Variants in CGAS observed in about 807,000 individuals in gnomAD.
CGAS encodes the protein 2'3'-cGAMP synthase.
Under a neutral mutation model 34.0 loss-of-function variants are expected in CGAS, and 31 were observed. The observed-to-expected ratio is 0.91, with a 90% confidence interval of 0.69 to 1.23. The LOEUF (loss-of-function observed/expected upper bound fraction) is 1.23, where lower values mean the gene tolerates loss of function less well. Among genes scored for constraint, CGAS ranks in the 50% most tolerant of loss-of-function variants. The probability of loss-of-function intolerance (pLI) is 0.00; values close to 1 mark genes in which losing one functional copy is unlikely to be tolerated. For synonymous variants in CGAS, 266 were observed against 260.0 expected, an observed-to-expected ratio of 1.02 and a Z score of -0.22; for missense variants, 597 against 657.6, an observed-to-expected ratio of 0.91 and a Z score of 1.01.
intron 3 of CGAS, among the ~76,000 whole-genome samples, chr6:73,433,350 C>T (rs1030367074): frequency 9.9e-5 from 15 of 151,732 alleles, no homozygotes; most frequent in African/African-American, 3.4e-4. Context: ...TAACCTCGAA[C>T]TCCTGAGCTT....
At position 73,451,830 on chromosome 6, in the gene CGAS, C is replaced by T. The variant is rs1265107098; in HGVS notation, c.352G>A (p.Ala118Thr). 6.4e-7 allele frequency: 1 copy of T among 1,553,758 alleles called. No individual in the cohort carries two copies. The highest frequency in any genetic ancestry group is 1.2e-5 in the South Asian group (1 of 84,786). The change falls in exon 1 of 5, where the codon GCT (alanine) becomes ACT (threonine). Residue 118 changes from alanine to threonine, a missense_variant. Physicochemically the swap from Ala to Thr is moderately conservative, Grantham distance 58 (BLOSUM62 0). This residue lies in a region of CGAS where 321 missense variants were observed against 314.3 expected (regional missense o/e 1.02). Coordinates refer to ENST00000370315, the MANE Select transcript of CGAS (RefSeq NM_138441.3). ...GCGCCCCTCTGGCGGCAAGAACCAG[C>T]CCTGGAAAGAGCCGGCTCCCGAGCC... ...PAAREPALSR[A>T]GSCRQRGARC...
rs1289211884 is a variant in CGAS, at chr6:73,428,807, T to C, written c.1119A>G (p.Glu373=). 6.2e-7 allele frequency: 1 copy of C among 1,608,322 alleles called. No individual in the cohort carries two copies. The highest frequency in any genetic ancestry group is 1.3e-5 in the African/African-American group (1 of 74,296). ...HAKEGNGFQE[E]TWRLSFSHIE... is the part of the protein sequence containing the mutation. ...TGTGAGAGAAGGATAGCCGCCATGT[T>C]TCTTCTTAATTTCAAAAAGAAAAAC... is the stretch of plus-strand genomic sequence containing the variant. Residue 373 remains glutamate, a synonymous_variant, in exon 4 of 5, where the codon GAA becomes GAG. Transcript: ENST00000370315.
At chr6:73,440,187 T>A (rs780624533) in intron 3 of CGAS, 22 bp downstream of exon 3, 1 of 1,587,750 alleles carries the variant, frequency 6.3e-7, no homozygotes, top group East Asian at 2.2e-5. Flanking sequence ...CTTCTTTAAG[T>A]TAACTTTAAT....
At chr6:73,432,353 G>T (rs1371263079) in intron 3 of CGAS, among the ~76,000 whole-genome samples, 3 of 151,918 alleles carry the variant, frequency 2.0e-5, no homozygotes, top group African/African-American at 4.8e-5. Context: ...TAGAGATGGG[G>T]TTTCACCATG....
intron 3 of CGAS, among the ~76,000 whole-genome samples, chr6:73,437,245 T>G (rs944049853): frequency 6.6e-6 from 1 of 151,730 alleles, no homozygotes; most frequent in Non-Finnish European, 1.5e-5. Context: ...GAGAGAAGAG[T>G]GTGGAGAGGA....
intron 3 of CGAS, among the ~76,000 whole-genome samples, chr6:73,435,396 A>G (rs1770264737): frequency 6.6e-6 from 1 of 152,208 alleles, no homozygotes; most frequent in South Asian, 2.1e-4. Flanking sequence ...GTACTCTGAT[A>G]CATTGCTGTG....
At chr6:73,432,979 G>A (rs1446440975) in intron 3 of CGAS, among the ~76,000 whole-genome samples, 1 of 152,092 alleles carries the variant, frequency 6.6e-6, no homozygotes, top group Non-Finnish European at 1.5e-5. Flanking sequence ...AGCTACTCAG[G>A]AGGCTGAGGC....
rs1582646625 is a variant in CGAS, at chr6:73,423,999, A to G, written c.*1228T>C. The G allele has an allele frequency of 6.6e-6, 1 of 152,352 alleles. No homozygotes were observed. Among genetic ancestry groups the G allele is most frequent in the East Asian group, 1.9e-4 (1 of 5,188 alleles). The allele number at this position is 152,352 out of a possible 1,614,324, so 9.4% of individuals were successfully genotyped here. On this transcript the variant is annotated 3_prime_UTR_variant, in exon 5 of 5. Transcript: ENST00000370315. The stretch of plus-strand genomic sequence containing the variant: ...TATATGAACAGGAAATATTTAACAA[A>G]CAGCAGTTGCCTCTAGGCTGAATGC...
At chr6:73,435,921 T>C (rs1770273699) in intron 3 of CGAS, among the ~76,000 whole-genome samples, 1 of 152,082 alleles carries the variant, frequency 6.6e-6, no homozygotes, top group Non-Finnish European at 1.5e-5. Context: ...TTATTACCAA[T>C]AATACACTTA....
chr6:73,439,484 GA>G (rs200300259), intron 3 of CGAS, among the ~76,000 whole-genome samples: 119 of 113,544 alleles, frequency 1.0e-3, no homozygotes, highest in Non-Finnish European at 1.4e-3. Flanking sequence ...TCTGTCTCAG[GA>G]AAAAAAAAAA....
Position 73,447,903 on chromosome 6 carries a change from A to G in CGAS, c.658-2156T>C, listed in dbSNP as rs139002881. 3.0e-3 allele frequency among the ~76,000 whole-genome samples: 450 copies of G among 152,102 alleles called. 2 individuals are homozygous for G. Among genetic ancestry groups the G allele is most frequent in the African/African-American group, 0.01 (429 of 41,494 alleles). ...TTCCAACAGTTTATATGTGAAGCCAATCAAGTCATCTACACATAACGATTT... is the reference window on the plus strand; with the variant it reads ...TTCCAACAGTTTATATGTGAAGCCAGTCAAGTCATCTACACATAACGATTT... On this transcript the variant is annotated intron_variant, in intron 1 of 4. Transcript: ENST00000370315.
At chr6:73,429,701 C>A (rs568642614) in intron 3 of CGAS, among the ~76,000 whole-genome samples, 62 of 152,108 alleles carry the variant, frequency 4.1e-4, no homozygotes, top group African/African-American at 1.3e-3. Flanking sequence ...TGGCGGGCGC[C>A]TGTAATCCCA....
chr6:73,430,439 C>A (rs1770176052), intron 3 of CGAS, among the ~76,000 whole-genome samples: 1 of 152,020 alleles, frequency 6.6e-6, no homozygotes, highest in South Asian at 2.1e-4. Flanking sequence ...AACACCATAT[C>A]TACTAAAAAT....
At position 73,451,609 on chromosome 6, in the gene CGAS, G is replaced by A; in HGVS notation, c.573C>T (p.Asp191=). 4 of 1,614,110 alleles carry A rather than the reference G, an allele frequency of 2.5e-6. No individual in the cohort carries two copies. Among genetic ancestry groups the A allele is most frequent in the South Asian group, 1.1e-5 (1 of 91,068 alleles). ...TAAGMVKGVV[D]HLLLRLKCDS... is the part of the protein sequence containing the mutation. ...CGCACTTCAGTCTGAGCAGCAGGTGGTCCACAACCCCTTTCACCATCCCCG... is the reference window on the plus strand; with the variant it reads ...CGCACTTCAGTCTGAGCAGCAGGTGATCCACAACCCCTTTCACCATCCCCG... The change falls in exon 1 of 5, where the codon GAC becomes GAT. Residue 191 remains aspartate, a synonymous_variant. Transcript: ENST00000370315.
intron 2 of CGAS, among the ~76,000 whole-genome samples, chr6:73,442,901 A>AT (rs962705965): frequency 1.6e-4 from 24 of 150,200 alleles, no homozygotes; most frequent in Admixed American, 1.0e-3. Context: ...CTGGCCTAAA[A>AT]TTTTTTTTTG....
At position 73,451,461 on chromosome 6, in the gene CGAS, T is replaced by C. The variant is rs950974319; in HGVS notation, c.657+64A>G. 1.7e-5 allele frequency: 25 copies of C among 1,479,854 alleles called. No individual in the cohort carries two copies. The South Asian group carries it at 2.0e-4, about 12-fold the overall frequency. The allele number at this position is 1,479,854 out of a possible 1,614,324, so 91.7% of individuals were successfully genotyped here. A position where few individuals can be genotyped will look rare whatever the true frequency, so the allele number is the denominator to read the frequency against. The stretch of plus-strand genomic sequence containing the variant: ...AGTGAGGGGCGCGACCCGGGGAAGG[T>C]AGGGACTGCGGATTGCGGAAGGCCG... On this transcript the variant is annotated intron_variant, in intron 1 of 4. Coordinates refer to ENST00000370315, the MANE Select transcript of CGAS (RefSeq NM_138441.3).
rs1200163840 is a variant in CGAS at position 73,433,795 on chromosome 6, TAC to T, written c.1115-4986_1115-4985del. ...AGCCACCACGCCTGGCTAGAGTTTT[TAC>T]ACAGTGTTGTCCAAGATGGTCTTGA... On this transcript the variant is annotated intron_variant, in intron 3 of 4. Coordinates refer to ENST00000370315, the MANE Select transcript of CGAS (RefSeq NM_138441.3). 3.9e-5 allele frequency among the ~76,000 whole-genome samples: 6 copies of T among 152,084 alleles called. No individual in the cohort carries two copies. The East Asian group carries it at 1.2e-3, about 29-fold the overall frequency.
chr6:73,451,453 G>A, intron 1 of CGAS, 72 bp downstream of exon 1: 2 of 1,446,982 alleles, frequency 1.4e-6, no homozygotes, highest in Non-Finnish European at 1.8e-6. Flanking sequence ...GGCGCGACCC[G>A]GGGAAGGTAG....
chr6:73,437,752 T>A (rs111344102), intron 3 of CGAS, among the ~76,000 whole-genome samples: 1 of 152,284 alleles, frequency 6.6e-6, no homozygotes, highest in African/African-American at 2.4e-5. Flanking sequence ...CAGGTAAATT[T>A]TTAAAATTTA....
Sources: gnomAD v4.1 joint callset for allele counts (sites outside exome capture counted in the v4.1 genomes callset) on GRCh38, gnomAD v4.1.1 for gene constraint, gnomAD v4.1.1 regional missense constraint, MANE v1.5 for transcripts, NCBI Gene and HGNC (gene_info 2026-07-23, HGNC 2026-07-21) for gene names.